Variants in SLC24A2 observed in about 807,000 individuals in gnomAD.
SLC24A2 encodes the protein sodium/potassium/calcium exchanger 2.
SLC24A2 carries 36 observed loss-of-function variants against 62.0 expected under a neutral mutation model. That is an observed-to-expected ratio of 0.58 (90% CI 0.44 to 0.77). The LOEUF is 0.77. SLC24A2 is among the 30% of genes least tolerant of loss of function. The pLI, the probability that SLC24A2 is intolerant of heterozygous loss-of-function variation, is 0.00. For synonymous variants in SLC24A2, 358 were observed against 294.0 expected (o/e 1.22, Z -2.23); for missense variants, 846 against 817.9 (o/e 1.03, Z -0.42).
the SLC24A2 span, among the ~76,000 whole-genome samples, chr9:19,964,174 C>A: frequency 7.0e-6 from 1 of 142,532 alleles, no homozygotes; most frequent in African/African-American, 2.6e-5. Flanking sequence ...AACAATGAGA[C>A]CACATGGACA....
chr9:19,705,668 T>A (rs1036171286), intron 2 of SLC24A2: 6 of 207,916 alleles, frequency 2.9e-5, no homozygotes, highest in African/African-American at 1.4e-4. Context: ...ACATCTTTAT[T>A]TCTGCCTTCA....
chr9:19,930,779 A>G, the SLC24A2 span, among the ~76,000 whole-genome samples: 1 of 152,234 alleles, frequency 6.6e-6, no homozygotes, highest in Non-Finnish European at 1.5e-5. Context: ...TGTAGCTAGG[A>G]AACAGGGTGC....
intron 2 of SLC24A2, among the ~76,000 whole-genome samples, chr9:19,645,271 T>A (rs1818609626): frequency 1.3e-5 from 2 of 152,226 alleles, no homozygotes; most frequent in South Asian, 4.1e-4. Flanking sequence ...CTATCTGGAA[T>A]TTCTGCCATT....
At chr9:19,541,416 C>A (rs1834248211) in intron 8 of SLC24A2, among the ~76,000 whole-genome samples, 1 of 151,346 alleles carries the variant, frequency 6.6e-6, no homozygotes, top group African/African-American at 2.4e-5. Flanking sequence ...GTTAGTTTTC[C>A]TTCTAACAGA....
At chr9:19,732,689 C>T (rs1199457431) in intron 2 of SLC24A2, among the ~76,000 whole-genome samples, 1 of 152,250 alleles carries the variant, frequency 6.6e-6, no homozygotes, top group African/African-American at 2.4e-5. Context: ...TCTCCCTCTG[C>T]AGCCACTTTG....
chr9:20,271,741 G>A, the SLC24A2 span, among the ~76,000 whole-genome samples: 2 of 152,016 alleles, frequency 1.3e-5, no homozygotes, highest in African/African-American at 4.8e-5. Context: ...ATTTTACTTG[G>A]ACTCCGTTTT....
chr9:20,207,678 A>T, the SLC24A2 span, among the ~76,000 whole-genome samples: 1 of 152,212 alleles, frequency 6.6e-6, no homozygotes, highest in African/African-American at 2.4e-5. Context: ...CTGAACTGAA[A>T]TGCTTTATAT....
chr9:19,560,916 TAGAGAGAGAG>T (rs139732950), intron 7 of SLC24A2, among the ~76,000 whole-genome samples: 2,688 of 119,360 alleles, frequency 0.023, 89 homozygotes, highest in African/African-American at 0.081. Context: ...TATATATATA[TAGAGAGAGAG>T]AGAGAGAGAG....
At chr9:20,022,838 A>T in the SLC24A2 span, among the ~76,000 whole-genome samples, 1 of 152,196 alleles carries the variant, frequency 6.6e-6, no homozygotes, top group Admixed American at 6.5e-5. Flanking sequence ...ATCGCATTAC[A>T]GATCTGATAA....
At chr9:19,972,373 C>G in the SLC24A2 span, among the ~76,000 whole-genome samples, 2 of 152,080 alleles carry the variant, frequency 1.3e-5, no homozygotes, top group Admixed American at 1.3e-4. Context: ...CTTAGAGGTT[C>G]TGGGTTTAAT....
chr9:19,962,473 T>A, the SLC24A2 span, among the ~76,000 whole-genome samples: 2 of 152,236 alleles, frequency 1.3e-5, no homozygotes, highest in African/African-American at 2.4e-5. Context: ...ATTTTCACAA[T>A]ATTGATTCTT....
chr9:19,702,080 T>C (rs1820372682), intron 2 of SLC24A2, among the ~76,000 whole-genome samples: 1 of 152,242 alleles, frequency 6.6e-6, no homozygotes, highest in South Asian at 2.1e-4. Flanking sequence ...TATTTCTTCA[T>C]GTAAAGACAG....
intron 7 of SLC24A2, among the ~76,000 whole-genome samples, chr9:19,559,627 G>T (rs970158461): frequency 3.9e-5 from 6 of 152,070 alleles, no homozygotes; most frequent in African/African-American, 1.2e-4. Flanking sequence ...ACAGGGAAAC[G>T]CTCTGAAATC....
intron 2 of SLC24A2, among the ~76,000 whole-genome samples, chr9:19,623,523 AT>A (rs1454234698): frequency 6.6e-5 from 10 of 152,352 alleles, no homozygotes; most frequent in African/African-American, 2.2e-4. Context: ...TGTAAAAAAA[AT>A]AGAAGGGATT....
chr9:19,937,326 T>C, the SLC24A2 span, among the ~76,000 whole-genome samples: 343 of 152,374 alleles, frequency 2.3e-3, 7 homozygotes, highest in East Asian at 0.06. Flanking sequence ...TCCTCAACAA[T>C]GTCTTTGAAA....
chr9:19,813,317 CTTTTTTTTTTT>C, the SLC24A2 span, among the ~76,000 whole-genome samples: 15 of 86,274 alleles, frequency 1.7e-4, no homozygotes, highest in Non-Finnish European at 2.9e-4. Flanking sequence ...TCATCTTCCT[CTTTTTTTTTTT>C]TTTTTTTTTT....
the SLC24A2 span, among the ~76,000 whole-genome samples, chr9:20,133,077 A>T: frequency 6.6e-6 from 1 of 152,246 alleles, no homozygotes; most frequent in Non-Finnish European, 1.5e-5. Context: ...GGGAGAGATT[A>T]TTCTGGGTGA....
At position 19,513,111 on chromosome 9, in the gene SLC24A2, A is replaced by ATG. The variant is rs1234150282; in HGVS notation, c.*3040_*3041dup. ...AATGTGATAGGGTCAGAGGGTGATG[A>ATG]TGTAAGTCATATTATATGTGTACAT... On this transcript the variant is annotated 3_prime_UTR_variant, in exon 11 of 11. Coordinates refer to ENST00000341998, the MANE Select transcript of SLC24A2 (RefSeq NM_020344.4). 1 of 146,680 alleles carries ATG rather than the reference A, an allele frequency of 6.8e-6. No homozygotes were observed. Among genetic ancestry groups the ATG allele is most frequent in the African/African-American group, 2.5e-5 (1 of 39,436 alleles). 9.1% of individuals were successfully genotyped at this position (146,680 alleles called of 1,614,324 possible).
At chr9:19,836,742 T>A in the SLC24A2 span, among the ~76,000 whole-genome samples, 3 of 152,134 alleles carry the variant, frequency 2.0e-5, no homozygotes, top group African/African-American at 7.2e-5. Flanking sequence ...GCCAGCATCA[T>A]CCTGATACCA....
Sources: allele counts gnomAD v4.1 joint callset (sites outside exome capture counted in the v4.1 genomes callset), GRCh38; gene constraint gnomAD v4.1.1; transcripts MANE v1.5; gene names NCBI Gene and HGNC (gene_info 2026-07-23, HGNC 2026-07-21).